The following VPS50 variants were observed in gnomAD, a reference collection of about 807,000 sequenced individuals.
The protein encoded by VPS50 is VPS50 subunit of EARP/GARPII complex.
A neutral mutation model predicts 139.7 loss-of-function variants in VPS50; 70 were observed. The observed-to-expected ratio is 0.50, with a 90% CI of 0.41 to 0.61. The LOEUF is 0.61. Ranked by LOEUF, VPS50 falls within the 20% of genes least tolerant of loss-of-function variation. The pLI is 0.00. For synonymous variants in VPS50, 365 were observed against 376.7 expected (o/e 0.97, Z 0.36); for missense variants, 921 against 1,133.7 (o/e 0.81, Z 2.69).
chr7:93,260,937 G>T (rs945304217), intron 9 of VPS50, among the ~76,000 whole-genome samples: 2 of 152,096 alleles, frequency 1.3e-5, no homozygotes, highest in African/African-American at 4.8e-5. Context: ...CGCCCAGCTT[G>T]AAGTTAACAC....
intron 20 of VPS50, among the ~76,000 whole-genome samples, chr7:93,311,994 T>C (rs1797283146): frequency 6.6e-6 from 1 of 152,170 alleles, no homozygotes; most frequent in Admixed American, 6.6e-5. Flanking sequence ...CTCTATATTC[T>C]ATCTATGGAG....
chr7:93,283,167 C>T (rs1464044485), intron 12 of VPS50, among the ~76,000 whole-genome samples: 1 of 151,896 alleles, frequency 6.6e-6, no homozygotes, highest in Non-Finnish European at 1.5e-5. Flanking sequence ...ATATTCTTAG[C>T]ACTATAACTT....
At position 93,341,440 on chromosome 7, in the gene VPS50, A is replaced by G. The variant is rs1371486109; in HGVS notation, c.2072A>G (p.Asp691Gly). ...TTGTATTTTCAGGAAGTTTCAGCTG[A>G]TCCTACTGCCACACTCACAGCAGCA... ...ESLIDLEVSA[D>G]PTATLTAAEE... The change falls in exon 23 of 28, where the codon GAT becomes GGT. Residue 691 changes from aspartate (D) to glycine (G), a missense_variant. This residue lies in a region of VPS50 where 744 missense variants were observed against 930.6 expected (regional missense o/e 0.80). Coordinates refer to ENST00000305866, the MANE Select transcript of VPS50 (RefSeq NM_017667.4). The G allele has an allele frequency of 6.2e-7, 1 of 1,608,158 alleles. No individual in the cohort carries two copies. Among genetic ancestry groups the G allele is most frequent in the East Asian group, 2.2e-5 (1 of 44,666 alleles).
intron 12 of VPS50, among the ~76,000 whole-genome samples, chr7:93,288,784 A>T (rs892930202): frequency 6.6e-6 from 1 of 152,064 alleles, no homozygotes; most frequent in African/African-American, 2.4e-5. Flanking sequence ...TTAAAGGGAA[A>T]ATGAGGGAAG....
At chr7:93,338,806 A>G (rs1798134809) in intron 22 of VPS50, among the ~76,000 whole-genome samples, 1 of 152,330 alleles carries the variant, frequency 6.6e-6, no homozygotes, top group Non-Finnish European at 1.5e-5. Context: ...AGAAAAATCA[A>G]TCAGTTAACT....
intron 2 of VPS50, among the ~76,000 whole-genome samples, chr7:93,246,809 G>A (rs1795169893): frequency 6.6e-6 from 1 of 151,730 alleles, no homozygotes; most frequent in Admixed American, 6.6e-5. Context: ...GAACTCTTAA[G>A]TGGAAAATTT....
intron 12 of VPS50, among the ~76,000 whole-genome samples, chr7:93,290,275 C>G (rs1264994425): frequency 1.3e-5 from 2 of 151,946 alleles, no homozygotes; most frequent in Non-Finnish European, 2.9e-5. Context: ...TTTCTGTAAT[C>G]TAATTGCATT....
chr7:93,328,741 T>G (rs911186547), intron 21 of VPS50, among the ~76,000 whole-genome samples: 2 of 152,136 alleles, frequency 1.3e-5, no homozygotes, highest in African/African-American at 4.8e-5. Context: ...GAAGTTTTTA[T>G]GGACTGGAGA....
chr7:93,233,339 AAGAT>A (rs1336331470), intron 1 of VPS50, among the ~76,000 whole-genome samples: 18 of 152,368 alleles, frequency 1.2e-4, no homozygotes, highest in East Asian at 1.9e-4. Flanking sequence ...TTTAATATGA[AAGAT>A]AGTTAAGATT....
chr7:93,281,374 T>C (rs1032508491), intron 12 of VPS50, among the ~76,000 whole-genome samples: 15 of 152,222 alleles, frequency 9.9e-5, no homozygotes, highest in Non-Finnish European at 1.9e-4. Flanking sequence ...GACAGATTCT[T>C]CTTTTGAGTG....
Position 93,306,292 on chromosome 7 carries a change from T to A in VPS50, c.1629+288T>A, listed in dbSNP as rs182806189. Among the ~76,000 whole-genome samples, 12 of 152,018 alleles carry A rather than the reference T, an allele frequency of 7.9e-5. No individual in the cohort carries two copies. In the East Asian group the frequency reaches 2.3e-3, roughly 29 times the overall value. On this transcript the variant is annotated intron_variant, in intron 18 of 27. Transcript: ENST00000305866. ...AGTAGTGTAATTTCTTCACTGAATATTTACGTGATATATTATGTGAATATT... is the reference window on the plus strand; with the variant it reads ...AGTAGTGTAATTTCTTCACTGAATAATTACGTGATATATTATGTGAATATT...
At chr7:93,327,353 T>C (rs1033079692) in intron 21 of VPS50, among the ~76,000 whole-genome samples, 11 of 151,900 alleles carry the variant, frequency 7.2e-5, no homozygotes, top group African/African-American at 2.7e-4. Context: ...CCAGACCACA[T>C]TATTGATAAG....
intron 12 of VPS50, among the ~76,000 whole-genome samples, chr7:93,280,524 A>G (rs534013016): frequency 6.6e-6 from 1 of 152,254 alleles, no homozygotes; most frequent in Admixed American, 6.5e-5. Flanking sequence ...GATGTACCCT[A>G]CATATTTACA....
intron 9 of VPS50, among the ~76,000 whole-genome samples, chr7:93,261,677 C>CAAAAAA (rs71107890): frequency 9.7e-5 from 6 of 62,162 alleles, no homozygotes; most frequent in Admixed American, 1.9e-4. Context: ...GACTCCGTCT[C>CAAAAAA]AAAAAAAAAA....
chr7:93,332,442 A>G (rs1269368306), intron 21 of VPS50, among the ~76,000 whole-genome samples: 1 of 152,232 alleles, frequency 6.6e-6, no homozygotes, highest in Admixed American at 6.5e-5. Flanking sequence ...TAGGGTGTCA[A>G]CATGCATTTT....
chr7:93,308,760 G>GT, intron 18 of VPS50, 64 bp from the exon 19 acceptor site: 1 of 791,740 alleles, frequency 1.3e-6, no homozygotes, highest in Non-Finnish European at 2.2e-6. Context: ...CTTTCACTGT[G>GT]TTGAGACACC....
intron 8 of VPS50, among the ~76,000 whole-genome samples, chr7:93,258,975 G>A (rs936403555): frequency 5.9e-5 from 9 of 151,994 alleles, no homozygotes; most frequent in African/African-American, 2.2e-4. Flanking sequence ...GTGGTTTTCT[G>A]TATAATTGTT....
intron 16 of VPS50, among the ~76,000 whole-genome samples, chr7:93,298,642 G>A (rs1796882343): frequency 6.6e-6 from 1 of 152,158 alleles, no homozygotes; most frequent in South Asian, 2.1e-4. Context: ...TTGTCAAAAG[G>A]TGTCTGTCAT....
rs1797034812 is a variant in VPS50 at position 93,303,444 on chromosome 7, A to G, written c.1362-16A>G. The G allele has an allele frequency of 7.3e-7, 1 of 1,362,404 alleles. No individual in the cohort carries two copies. The allele number at this position is 1,362,404 out of a possible 1,614,324, so 84.4% of individuals were successfully genotyped here. On this transcript the variant is annotated splice_polypyrimidine_tract_variant and intron_variant, in intron 16 of 27. Coordinates refer to ENST00000305866, the MANE Select transcript of VPS50 (RefSeq NM_017667.4). Reference sequence around the variant, plus strand: ...TTTCTTCTCACTTTTTGGAGTGTTCATTTTCTTTTTTTAAGAACACGGCTC... The same window carrying G: ...TTTCTTCTCACTTTTTGGAGTGTTCGTTTTCTTTTTTTAAGAACACGGCTC...
Sources: gnomAD v4.1 joint callset for allele counts (sites outside exome capture counted in the v4.1 genomes callset) on GRCh38, gnomAD v4.1.1 for gene constraint, gnomAD v4.1.1 regional missense constraint, MANE v1.5 for transcripts, NCBI Gene and HGNC (gene_info 2026-07-23, HGNC 2026-07-21) for gene names.